The following MAST1 variants were observed in gnomAD, a reference collection of about 807,000 sequenced individuals.
The protein encoded by MAST1 is microtubule-associated serine/threonine-protein kinase 1.
MAST1 carries 40 observed loss-of-function variants against 124.6 expected under a neutral mutation model. The ratio of observed to expected loss-of-function variants is 0.32; its 90% CI spans 0.25 to 0.42. The LOEUF is 0.42. MAST1 is among the 10% of genes least tolerant of loss of function. MAST1 has a pLI of 1.00. For synonymous variants in MAST1, 938 were observed against 939.4 expected (o/e 1.00, Z 0.03); for missense variants, 1,558 against 2,181.9 (o/e 0.71, Z 5.70).
chr19:12,851,948 T>C lies in MAST1; in HGVS notation c.789T>C (p.Ser263=), dbSNP rs372658842. ...EKLLQDAYER[S]ESLEVAFVTQ... ...CCCTGCCACAGGCCTATGAACGCTCTGAGAGCTTGGAGGTGGCCTTCGTTA... is the reference window on the plus strand; with the variant it reads ...CCCTGCCACAGGCCTATGAACGCTCCGAGAGCTTGGAGGTGGCCTTCGTTA... The change falls in exon 8 of 26, where the codon TCT becomes TCC. Residue 263 remains serine (S), a synonymous_variant. Coordinates refer to ENST00000251472, the MANE Select transcript of MAST1 (RefSeq NM_014975.3). 14 of 1,613,812 alleles carry C rather than the reference T, an allele frequency of 8.7e-6. No homozygotes were observed. The highest frequency in any genetic ancestry group is 1.2e-5 in the Non-Finnish European group (14 of 1,179,934).
chr19:12,851,268 CTTT>C (rs112311166), intron 7 of MAST1, among the ~76,000 whole-genome samples: 1 of 140,736 alleles, frequency 7.1e-6, no homozygotes, highest in Admixed American at 7.1e-5. Context: ...TTCTTTTTTT[CTTT>C]TTTTTTTTTT....
Position 12,858,573 on chromosome 19 carries a change from T to A in MAST1, c.1200T>A (p.Phe400Leu). The A allele has an allele frequency of 6.2e-7, 1 of 1,614,190 alleles. No homozygotes were observed. The highest frequency in any genetic ancestry group is 1.3e-5 in the African/African-American group (1 of 75,054). ...LVRHRDTRQR[F>L]AMKKINKQNL... is the part of the protein sequence containing the mutation. ...GGCACCGCGACACGCGGCAGCGCTT[T>A]GCCATGAAAAAGATCAACAAGCAGA... Residue 400 changes from phenylalanine to leucine, a missense_variant, in exon 12 of 26, where the codon TTT (phenylalanine) becomes TTA (leucine). Coordinates refer to ENST00000251472, the MANE Select transcript of MAST1 (RefSeq NM_014975.3).
Position 12,841,629 on chromosome 19 carries a change from G to C in MAST1, c.248+563G>C, listed in dbSNP as rs183444477. Among the ~76,000 whole-genome samples, 1 of 152,190 alleles carries C rather than the reference G, an allele frequency of 6.6e-6. No homozygotes were observed. The highest frequency in any genetic ancestry group is 2.4e-5 in the African/African-American group (1 of 41,444). On this transcript the variant is annotated intron_variant, in intron 3 of 25. Coordinates refer to ENST00000251472, the MANE Select transcript of MAST1 (RefSeq NM_014975.3). This position sits in a 1 kb window ranked among gnomAD's most constrained non-coding sequence, Gnocchi z 4.3. ...TCTGGAGAAACGTTTCTGGGAGTTT[G>C]GGCCTGTCTCTTTTTCTTTGAACTC...
intron 10 of MAST1, among the ~76,000 whole-genome samples, chr19:12,856,645 G>A (rs1046888622): frequency 5.9e-5 from 9 of 152,030 alleles, no homozygotes; most frequent in African/African-American, 2.2e-4. Flanking sequence ...AATACATATT[G>A]CCTATTGCAT....
At chr19:12,858,760 G>A (rs1394500524) in intron 12 of MAST1, 21 bp downstream of exon 12, 2 of 1,613,198 alleles carry the variant, frequency 1.2e-6, no homozygotes, top group Non-Finnish European at 8.5e-7. Context: ...CTGCGGGGCT[G>A]CAGGGAAGAT....
intron 12 of MAST1, among the ~76,000 whole-genome samples, chr19:12,859,074 C>T (rs910451038): frequency 6.6e-6 from 1 of 151,412 alleles, no homozygotes; most frequent in African/African-American, 2.4e-5. Flanking sequence ...TTTATTTATT[C>T]ATTTATTCAT....
At chr19:12,849,412 C>T (rs1220472742) in intron 7 of MAST1, among the ~76,000 whole-genome samples, 1 of 152,066 alleles carries the variant, frequency 6.6e-6, no homozygotes, top group Admixed American at 6.6e-5. Context: ...GCCTTTAATC[C>T]CAGCACTTTG....
intron 24 of MAST1, among the ~76,000 whole-genome samples, chr19:12,873,089 G>A (rs563711688): frequency 3.3e-5 from 5 of 151,676 alleles, no homozygotes; most frequent in African/African-American, 9.7e-5. Context: ...GTTTTGTTTG[G>A]ATGCTTGTTT....
At chr19:12,845,972 C>A (rs898081996) in intron 4 of MAST1, among the ~76,000 whole-genome samples, 1 of 150,654 alleles carries the variant, frequency 6.6e-6, no homozygotes, top group African/African-American at 2.5e-5. Context: ...AGTCCCAGAA[C>A]TTTGAGAGGC....
At chr19:12,842,915 A>C (rs1403178242) in intron 3 of MAST1, among the ~76,000 whole-genome samples, 6 of 151,892 alleles carry the variant, frequency 4.0e-5, no homozygotes, top group African/African-American at 1.5e-4. Flanking sequence ...TGAGAGTGTG[A>C]TATTTGGGTC....
In MAST1 at chr19:12,873,424, G is replaced by A; in HGVS notation, c.3364G>A (p.Asp1122Asn). 6 of 1,613,624 alleles carry A rather than the reference G, an allele frequency of 3.7e-6. No individual in the cohort carries two copies. Among genetic ancestry groups the A allele is most frequent in the Non-Finnish European group, 3.4e-6 (4 of 1,179,998 alleles). Reference sequence around the variant, plus strand: ...GCTGAACCGCTCGCTGTCATCCAGCGATAGTCTCCCGGGCTCGCCTACGCA... The same window carrying A: ...GCTGAACCGCTCGCTGTCATCCAGCAATAGTCTCCCGGGCTCGCCTACGCA... ...SSLNRSLSSS[D>N]SLPGSPTHGL... The change falls in exon 25 of 26, where the codon GAT becomes AAT. Residue 1122 changes from aspartate (D) to asparagine (N), a missense_variant. Asp to Asn is a conservative substitution (Grantham distance 23). This residue lies in a region of MAST1 where 291 missense variants were observed against 475.8 expected (regional missense o/e 0.61). Coordinates refer to ENST00000251472, the MANE Select transcript of MAST1 (RefSeq NM_014975.3).
chr19:12,867,366 C>A, intron 18 of MAST1, 108 bp from the exon 19 acceptor site: 1 of 1,275,134 alleles, frequency 7.8e-7, no homozygotes, highest in Non-Finnish European at 1.1e-6. Flanking sequence ...CGGAGCCAGG[C>A]CTCGGAGGGT....
rs1969856386 is a variant in MAST1, at chr19:12,843,499, T to C, written c.249-30T>C. 1 of 1,601,712 alleles carries C rather than the reference T, an allele frequency of 6.2e-7. No individual in the cohort carries two copies. Among genetic ancestry groups the C allele is most frequent in the South Asian group, 1.1e-5 (1 of 90,664 alleles). ...GAGTTGGGGGACCGCTGGGGCCTTGTGGCCTCTGAGCACCTTGGCTGGGTT... is the reference window on the plus strand; with the variant it reads ...GAGTTGGGGGACCGCTGGGGCCTTGCGGCCTCTGAGCACCTTGGCTGGGTT... On this transcript the variant is annotated intron_variant, in intron 3 of 25. Transcript: ENST00000251472. This position sits in a 1 kb window ranked among gnomAD's most constrained non-coding sequence, Gnocchi z 4.9.
rs746661923 is a variant in MAST1 at position 12,865,342 on chromosome 19, G to A, written c.1665G>A (p.Ala555=). The A allele has an allele frequency of 1.0e-5, 16 of 1,603,730 alleles. 1 individual carries two copies. In the South Asian group the frequency reaches 1.3e-4, roughly 13 times the overall value. Residue 555 remains alanine (A), a synonymous_variant, in exon 15 of 26, where the codon GCG becomes GCA. Transcript: ENST00000251472. The surrounding 1 kb of genome is among the most constrained non-coding windows in gnomAD (Gnocchi z 7.1). ...KQVCGTPEYI[A]PEVILRQGYG... is the part of the protein sequence containing the mutation. The stretch of plus-strand genomic sequence containing the variant: ...TGTGTGGGACCCCAGAGTACATCGC[G>A]CCCGAGGTCATCCTGCGTCAAGGCT...
Position 12,871,074 on chromosome 19 carries a change from A to G in MAST1, c.3165A>G (p.Glu1055=). The part of the protein sequence containing the change: ...NKVAVTTTPF[E]NTSIRIGPAR... ...TAGCAGTGACCACAACGCCCTTCGA[A>G]AATACCTCTATCCGCATTGGTCCCG... Residue 1055 remains glutamate, a synonymous_variant, in exon 24 of 26, where the codon GAA becomes GAG. Transcript: ENST00000251472. 6.2e-7 allele frequency: 1 copy of G among 1,614,194 alleles called. No homozygotes were observed.
chr19:12,842,625 T>C (rs1251570399), intron 3 of MAST1, among the ~76,000 whole-genome samples: 1 of 152,194 alleles, frequency 6.6e-6, no homozygotes, highest in Non-Finnish European at 1.5e-5. Context: ...CGCTTACACA[T>C]GCACATGCTA....
chr19:12,861,999 CTTTT>C (rs55931366), intron 12 of MAST1, among the ~76,000 whole-genome samples: 2 of 122,982 alleles, frequency 1.6e-5, no homozygotes, highest in African/African-American at 3.1e-5. Flanking sequence ...CCGTGCCTGC[CTTTT>C]TTTTTTTTTT....
intron 24 of MAST1, 108 bp downstream of exon 24, chr19:12,871,280 C>A (rs923654984): frequency 8.1e-6 from 12 of 1,485,352 alleles, no homozygotes; most frequent in Non-Finnish European, 1.1e-5. Context: ...GTGGCGGGAA[C>A]AAATGACCAA....
chr19:12,848,660 A>C (rs1171647736), intron 7 of MAST1: 1 of 148,960 alleles, frequency 6.7e-6, no homozygotes, highest in African/African-American at 2.5e-5. Flanking sequence ...ATAAAATAAA[A>C]TAAAATATTA....
Sources: allele counts gnomAD v4.1 joint callset (sites outside exome capture counted in the v4.1 genomes callset), GRCh38; gene constraint gnomAD v4.1.1; regional missense constraint gnomAD v4.1.1; non-coding constraint Gnocchi (gnomAD v3.1); transcripts MANE v1.5; gene names NCBI Gene and HGNC (gene_info 2026-07-23, HGNC 2026-07-21).